ZBTB40: variants seen among roughly 807,000 people sequenced by gnomAD.
ZBTB40 encodes zinc finger and BTB domain-containing protein 40.
A neutral mutation model predicts 117.5 loss-of-function variants in ZBTB40; 60 were observed. That is an observed-to-expected ratio of 0.51 (90% CI 0.41 to 0.63). The LOEUF (loss-of-function observed/expected upper bound fraction) is 0.63. Among genes scored for constraint, ZBTB40 ranks in the 30% least tolerant of loss-of-function variants. ZBTB40 has a pLI of 0.00. For synonymous variants in ZBTB40, 525 were observed against 577.1 expected (o/e 0.91, Z 1.29); for missense variants, 1,287 against 1,498.5 (o/e 0.86, Z 2.33).
intron 12 of ZBTB40, among the ~76,000 whole-genome samples, chr1:22,514,801 C>T (rs903879842): frequency 3.3e-5 from 5 of 152,194 alleles, no homozygotes; most frequent in African/African-American, 9.6e-5. Context: ...GTTAGTCTTT[C>T]TTTTCCCACT....
At chr1:22,440,833 G>T (rs1358861021) in intron 1 of ZBTB40, among the ~76,000 whole-genome samples, 1 of 151,968 alleles carries the variant, frequency 6.6e-6, no homozygotes, top group Admixed American at 6.6e-5. Context: ...AATCTCACTT[G>T]GTCATTGTGT....
upstream of ZBTB40, among the ~76,000 whole-genome samples, chr1:22,448,655 T>TG (rs1189440886): frequency 6.6e-6 from 1 of 152,152 alleles, no homozygotes; most frequent in African/African-American, 2.4e-5. Flanking sequence ...CTGTATAAAA[T>TG]GGGGGTAAAA....
chr1:22,478,955 C>G (rs765225961), intron 1 of ZBTB40, among the ~76,000 whole-genome samples: 3 of 152,164 alleles, frequency 2.0e-5, no homozygotes, highest in Non-Finnish European at 4.4e-5. Context: ...GTTTTTACTA[C>G]TCACAGCACC....
intron 1 of ZBTB40, among the ~76,000 whole-genome samples, chr1:22,485,393 G>A (rs1205328437): frequency 1.3e-5 from 2 of 152,026 alleles, no homozygotes; most frequent in Non-Finnish European, 2.9e-5. Flanking sequence ...TCAAGGAATT[G>A]GATCATTTTA....
intron 1 of ZBTB40, among the ~76,000 whole-genome samples, chr1:22,441,232 A>G (rs1369272311): frequency 6.6e-6 from 1 of 152,062 alleles, no homozygotes; most frequent in Non-Finnish European, 1.5e-5. Flanking sequence ...GGGAATTTAT[A>G]CATTTCATCT....
At chr1:22,468,594 G>A (rs1323651429) in intron 1 of ZBTB40, among the ~76,000 whole-genome samples, 57 of 125,856 alleles carry the variant, frequency 4.5e-4, no homozygotes, top group Non-Finnish European at 1.1e-4. Context: ...TCCTCCCTCA[G>A]CCTTCCAACT....
intron 6 of ZBTB40, among the ~76,000 whole-genome samples, chr1:22,507,381 T>C (rs923949546): frequency 1.3e-5 from 2 of 152,248 alleles, no homozygotes; most frequent in African/African-American, 4.8e-5. Flanking sequence ...CTTTGATAGT[T>C]GTCTTTGTAC....
upstream of ZBTB40, among the ~76,000 whole-genome samples, chr1:22,447,651 GA>G (rs1164531489): frequency 6.6e-6 from 1 of 152,214 alleles, no homozygotes; most frequent in Non-Finnish European, 1.5e-5. Context: ...CAAGGCGAGG[GA>G]TTCATAGGGT....
intron 6 of ZBTB40, among the ~76,000 whole-genome samples, chr1:22,507,196 A>G (rs1458182001): frequency 3.9e-5 from 6 of 152,202 alleles, no homozygotes; most frequent in Non-Finnish European, 7.3e-5. Context: ...TGAGCAAGTG[A>G]CTTAATCTTT....
In ZBTB40 at chr1:22,506,220, G is replaced by C. The variant is rs1220996619; in HGVS notation, c.1339G>C (p.Ala447Pro). 3 of 1,614,024 alleles carry C rather than the reference G, an allele frequency of 1.9e-6. No individual in the cohort carries two copies. The Admixed American group carries it at 5.0e-5, about 27-fold the overall frequency. ...TCTGCTAGAGAAGTTGCAGAAATCA[G>C]CCACTTTGCCAAGCACCACAGGTAT... ...GLLLEKLQKS[A>P]TLPSTTVQPS... The change falls in exon 6 of 18, where the codon GCC becomes CCC. Residue 447 changes from alanine to proline, a missense_variant. Physicochemically the swap from Ala to Pro is conservative, Grantham distance 27. Transcript: ENST00000375647.
chr1:22,485,164 T>C (rs1638431114), intron 1 of ZBTB40, among the ~76,000 whole-genome samples: 1 of 152,246 alleles, frequency 6.6e-6, no homozygotes, highest in African/African-American at 2.4e-5. Context: ...CCTCAAAGAA[T>C]GAGTTGGGAA....
chr1:22,523,594 C>T (rs952349807), intron 16 of ZBTB40, among the ~76,000 whole-genome samples: 1 of 152,180 alleles, frequency 6.6e-6, no homozygotes, highest in African/African-American at 2.4e-5. Flanking sequence ...GTCTCTTGAG[C>T]GTTATGTAAA....
At chr1:22,499,292 C>G (rs1638862740) in intron 3 of ZBTB40, among the ~76,000 whole-genome samples, 1 of 152,176 alleles carries the variant, frequency 6.6e-6, no homozygotes, top group African/African-American at 2.4e-5. Context: ...AGAGAGAAAA[C>G]ACAGGCAAGA....
upstream of ZBTB40, among the ~76,000 whole-genome samples, chr1:22,451,212 G>A (rs183129587): frequency 6.6e-6 from 1 of 152,368 alleles, no homozygotes; most frequent in East Asian, 1.9e-4. Flanking sequence ...CCCACAAAGA[G>A]TGCGGGCTGG....
At chr1:22,525,545 G>A (rs1031631167) in intron 17 of ZBTB40, among the ~76,000 whole-genome samples, 1 of 152,234 alleles carries the variant, frequency 6.6e-6, no homozygotes, top group African/African-American at 2.4e-5. Context: ...AATTGGATAT[G>A]CCTAACCACA....
At chr1:22,442,631 G>A (rs547435957) in intron 1 of ZBTB40, among the ~76,000 whole-genome samples, 12 of 152,328 alleles carry the variant, frequency 7.9e-5, no homozygotes, top group Non-Finnish European at 1.6e-4. Context: ...GCCACCCGGA[G>A]GGCTGTAAGC....
chr1:22,476,718 T>C (rs1339181015), intron 1 of ZBTB40, among the ~76,000 whole-genome samples: 3 of 152,232 alleles, frequency 2.0e-5, no homozygotes, highest in African/African-American at 7.2e-5. Flanking sequence ...ATCAGTATAG[T>C]CTTTTCTTGA....
In ZBTB40 at chr1:22,511,967, A is replaced by G. The variant is rs1422299493; in HGVS notation, c.2294A>G (p.Gln765Arg). 5.0e-6 allele frequency: 8 copies of G among 1,614,122 alleles called. No homozygotes were observed. Among genetic ancestry groups the G allele is most frequent in the Non-Finnish European group, 6.8e-6 (8 of 1,180,050 alleles). ...MKRCRVAKSK[Q>R]VQCKECSETK... ...CGCTGCCGGGTGGCTAAGAGCAAAC[A>G]GGTGCAGTGTAAGGAGTGCAGTGAG... Residue 765 changes from glutamine to arginine, a missense_variant, in exon 11 of 18, where the codon CAG becomes CGG. By Grantham distance (43) the Gln-to-Arg change is conservative. Coordinates refer to ENST00000375647, the MANE Select transcript of ZBTB40 (RefSeq NM_014870.4).
At position 22,513,844 on chromosome 1, in the gene ZBTB40, A is replaced by G. The variant is rs923733076; in HGVS notation, c.2668+714A>G. 1.3e-5 allele frequency among the ~76,000 whole-genome samples: 2 copies of G among 152,222 alleles called. No homozygotes were observed. The highest frequency in any genetic ancestry group is 6.5e-5 in the Admixed American group (1 of 15,288). On this transcript the variant is annotated intron_variant, in intron 12 of 17. Transcript: ENST00000375647. The surrounding 1 kb of genome is among the most constrained non-coding windows in gnomAD (Gnocchi z 4.9). ...AGACTGGCTAACCTCCTATGACTTT[A>G]TATTAGGTCTTGTGGAAAAGTCATT...
Sources: allele counts gnomAD v4.1 joint callset (sites outside exome capture counted in the v4.1 genomes callset), GRCh38; gene constraint gnomAD v4.1.1; non-coding constraint Gnocchi (gnomAD v3.1); transcripts MANE v1.5; gene names NCBI Gene and HGNC (gene_info 2026-07-23, HGNC 2026-07-21).